BRCA2: variants seen among roughly 807,000 people sequenced by gnomAD.
BRCA2 encodes the protein BRCA2 DNA repair associated.
In BRCA2, 203 loss-of-function variants were observed where a neutral mutation model predicts 276.7. The observed-to-expected ratio is 0.73, with a 90% CI of 0.65 to 0.82. The LOEUF (loss-of-function observed/expected upper bound fraction) is 0.82. BRCA2 is among the 40% of genes least tolerant of loss of function. The probability of loss-of-function intolerance (pLI) is 0.00; values close to 1 mark genes in which losing one functional copy is unlikely to be tolerated. For synonymous variants in BRCA2, 1,289 were observed against 1,338.4 expected (o/e 0.96, Z 0.81); for missense variants, 3,920 against 3,915.0 (o/e 1.00, Z -0.03).
chr13:32,368,808 T>G lies in BRCA2; in HGVS notation c.8332-1594T>G, dbSNP rs811637. ...GTTTTTTGTTTTTTTGTTTTTTTTTTGGTTTTTTTTGTTTTTTTTTTAGAT... is the reference window on the plus strand; with the variant it reads ...GTTTTTTGTTTTTTTGTTTTTTTTTGGGTTTTTTTTGTTTTTTTTTTAGAT... On this transcript the variant is annotated intron_variant, in intron 18 of 26. Coordinates refer to ENST00000380152, the MANE Select transcript of BRCA2 (RefSeq NM_000059.4). Among the ~76,000 whole-genome samples, 36,248 of 116,514 alleles carry G rather than the reference T, an allele frequency of 0.31. 4,663 individuals are homozygous for G. The highest frequency in any genetic ancestry group is 0.33 in the Non-Finnish European group (18,012 of 54,298). The allele number at this position is 116,514 out of a possible 152,430, so 76.4% of individuals were successfully genotyped here.
rs1216879984 is a variant in BRCA2 at position 32,379,214 on chromosome 13, C to T, written c.8755-103C>T. ...ACATTAACCACACCCTTAAGATGAG[C>T]TCTAATTTTGTTGTATTTGTCCTGT... On this transcript the variant is annotated intron_variant, in intron 21 of 26. Transcript: ENST00000380152. The T allele has an allele frequency of 5.6e-6, 6 of 1,061,978 alleles. No homozygotes were observed. The Admixed American group carries it at 1.2e-4, about 22-fold the overall frequency. 65.8% of individuals were successfully genotyped at this position (1,061,978 alleles called of 1,614,324 possible). A position where few individuals can be genotyped will look rare whatever the true frequency, so the allele number is the denominator to read the frequency against.
intron 18 of BRCA2, among the ~76,000 whole-genome samples, chr13:32,364,001 C>G (rs2072764534): frequency 6.6e-6 from 1 of 152,166 alleles, no homozygotes; most frequent in South Asian, 2.1e-4. Context: ...ATTGTACATT[C>G]AGATTCACTT....
intron 22 of BRCA2, 93 bp downstream of exon 22, chr13:32,379,608 G>C: frequency 6.6e-7 from 1 of 1,526,520 alleles, no homozygotes; most frequent in South Asian, 1.2e-5. Flanking sequence ...AAAGTATAAA[G>C]TTAGTTTATA....
At chr13:32,318,792 G>A (rs1424098332) in intron 2 of BRCA2, among the ~76,000 whole-genome samples, 1 of 152,038 alleles carries the variant, frequency 6.6e-6, no homozygotes, top group Non-Finnish European at 1.5e-5. Flanking sequence ...TCCGAACCAT[G>A]AATAATAAGA....
In BRCA2 at chr13:32,357,871, G is replaced by A. The variant is rs1593920952; in HGVS notation, c.7747G>A (p.Asp2583Asn). ...LWTGKGIQLA[D>N]GGWLIPSNDG... ...GACTGGAAAAGGAATACAGTTGGCT[G>A]ATGGTGGATGGCTCATACCCTCCAA... Residue 2583 changes from aspartate (D) to asparagine (N), a missense_variant, in exon 16 of 27, where the codon GAT becomes AAT. Around this residue, in one of 2 missense-constraint regions of BRCA2, gnomAD observed 3,263 missense variants for 3,156.9 expected, o/e 1.03. Transcript: ENST00000380152. The A allele has an allele frequency of 6.2e-7, 1 of 1,614,132 alleles. No homozygotes were observed. Among genetic ancestry groups the A allele is most frequent in the African/African-American group, 1.3e-5 (1 of 75,052 alleles).
At chr13:32,323,719 C>T (rs986882826) in intron 3 of BRCA2, among the ~76,000 whole-genome samples, 1 of 151,956 alleles carries the variant, frequency 6.6e-6, no homozygotes, top group Non-Finnish European at 1.5e-5. Context: ...CTTATTTTTC[C>T]CAAAAGCTAA....
intron 16 of BRCA2, among the ~76,000 whole-genome samples, chr13:32,361,539 C>A (rs2072737362): frequency 1.3e-5 from 2 of 151,646 alleles, no homozygotes; most frequent in Non-Finnish European, 2.9e-5. Flanking sequence ...TAGAAAAAAA[C>A]CGTTTCTTAT....
chr13:32,371,022 G>C lies in BRCA2; in HGVS notation c.8554G>C (p.Ala2852Pro), dbSNP rs1555287769. 2 of 1,614,110 alleles carry C rather than the reference G, an allele frequency of 1.2e-6. No individual in the cohort carries two copies. Among genetic ancestry groups the C allele is most frequent in the Non-Finnish European group, 1.7e-6 (2 of 1,179,976 alleles). ...TGAAAGAGAGGAAGAAAAGGAAGCA[G>C]CAAAATATGTGGAGGCCCAACAAAA... ...RNEREEEKEA[A>P]KYVEAQQKRL... Residue 2852 changes from alanine (A) to proline (P), a missense_variant, in exon 20 of 27, where the codon GCA becomes CCA. Ala to Pro is a conservative substitution (Grantham distance 27, BLOSUM62 -1). This residue lies in a region of BRCA2 where 657 missense variants were observed against 758.2 expected (regional missense o/e 0.87). Transcript: ENST00000380152.
Position 32,330,944 on chromosome 13 carries a change from A to G in BRCA2, c.707A>G (p.His236Arg), listed in dbSNP as rs80358938. Reference sequence around the variant, plus strand: ...AATGTGAAAAGCTATTTTTCCAATCATGATGAAAGTCTGAAGAAAAATGAT... The same window carrying G: ...AATGTGAAAAGCTATTTTTCCAATCGTGATGAAAGTCTGAAGAAAAATGAT... ...TANVKSYFSN[H>R]DESLKKNDRF... The change falls in exon 9 of 27, where the codon CAT becomes CGT. Residue 236 changes from histidine to arginine, a missense_variant. This residue lies in a region of BRCA2 where 3,263 missense variants were observed against 3,156.9 expected (regional missense o/e 1.03). Transcript: ENST00000380152. 1.9e-6 allele frequency: 3 copies of G among 1,612,606 alleles called. No individual in the cohort carries two copies. Among genetic ancestry groups the G allele is most frequent in the Non-Finnish European group, 8.5e-7 (1 of 1,178,998 alleles).
chr13:32,333,045 C>T lies in BRCA2; in HGVS notation c.1567C>T (p.His523Tyr), dbSNP rs2072416501. The change falls in exon 10 of 27, where the codon CAT (histidine) becomes TAT (tyrosine). Residue 523 changes from histidine (H) to tyrosine (Y), a missense_variant. Transcript: ENST00000380152. Reference sequence around the variant, plus strand: ...GACTTTCAATGCAAGTTTTTCAGGTCATATGACTGATCCAAACTTTAAAAA... The same window carrying T: ...GACTTTCAATGCAAGTTTTTCAGGTTATATGACTGATCCAAACTTTAAAAA... ...KETFNASFSG[H>Y]MTDPNFKKET... is the part of the protein sequence containing the mutation. 1.2e-6 allele frequency: 2 copies of T among 1,607,954 alleles called. No individual in the cohort carries two copies. Among genetic ancestry groups the T allele is most frequent in the African/African-American group, 2.7e-5 (2 of 74,410 alleles).
At chr13:32,341,272 A>G (rs1425766336) in intron 11 of BRCA2, 76 bp downstream of exon 11, 2 of 1,583,676 alleles carry the variant, frequency 1.3e-6, no homozygotes, top group Non-Finnish European at 1.7e-6. Flanking sequence ...TGGTATGCTA[A>G]CAATTAAGAG....
Position 32,338,259 on chromosome 13 carries a change from A to T in BRCA2, c.3904A>T (p.Thr1302Ser), listed in dbSNP as rs543339423. Reference protein sequence around the residue: ...LILQNNIEMTTGTFVEEITEN... With the variant: ...LILQNNIEMTSGTFVEEITEN... ...ATTACAAAATAATATTGAAATGACT[A>T]CTGGCACTTTTGTTGAAGAAATTAC... Residue 1302 changes from threonine to serine, a missense_variant, in exon 11 of 27, where the codon ACT becomes TCT. Physicochemically the swap from Thr to Ser is moderately conservative, Grantham distance 58 (BLOSUM62 1). Coordinates refer to ENST00000380152, the MANE Select transcript of BRCA2 (RefSeq NM_000059.4). 14 of 1,561,060 alleles carry T rather than the reference A, an allele frequency of 9.0e-6. 1 individual carries two copies. The South Asian group carries it at 1.7e-4, about 19-fold the overall frequency.
intron 16 of BRCA2, among the ~76,000 whole-genome samples, chr13:32,360,929 A>C (rs1445414227): frequency 6.6e-6 from 1 of 152,258 alleles, no homozygotes; most frequent in East Asian, 1.9e-4. Flanking sequence ...AGCAGCTGGA[A>C]GGATAGAGTT....
intron 12 of BRCA2, 22 bp downstream of exon 12, chr13:32,344,675 T>C: frequency 6.8e-7 from 1 of 1,462,586 alleles, no homozygotes; most frequent in Non-Finnish European, 9.6e-7. Context: ...TTTTTATTTA[T>C]ATCTGTTCTC....
chr13:32,393,207 AG>A (rs1274081259), intron 24 of BRCA2, among the ~76,000 whole-genome samples: 4 of 151,650 alleles, frequency 2.6e-5, no homozygotes, highest in Non-Finnish European at 2.9e-5. Context: ...ATCTTGAGGG[AG>A]ATTCTTTGAG....
At chr13:32,375,175 C>T (rs1017706430) in intron 20 of BRCA2, among the ~76,000 whole-genome samples, 4 of 152,202 alleles carry the variant, frequency 2.6e-5, no homozygotes, top group Non-Finnish European at 5.9e-5. Flanking sequence ...GTCCGTCCCT[C>T]GACACGTGAG....
rs81002890 is a variant in BRCA2 at position 32,380,001 on chromosome 13, C to A, written c.9118-6C>A. The stretch of plus-strand genomic sequence containing the variant: ...ATATGTTGAATTTTTGTTTTGTTTT[C>A]TGTAGGTTTCAGATGAAATTTTATT... On this transcript the variant is annotated splice_polypyrimidine_tract_variant and splice_region_variant and intron_variant, in intron 23 of 26. Coordinates refer to ENST00000380152, the MANE Select transcript of BRCA2 (RefSeq NM_000059.4). 2 of 1,613,786 alleles carry A rather than the reference C, an allele frequency of 1.2e-6. No homozygotes were observed. The highest frequency in any genetic ancestry group is 2.7e-5 in the African/African-American group (2 of 74,974).
chr13:32,341,326 TG>T (rs2072568122), intron 11 of BRCA2, 130 bp downstream of exon 11: 9 of 1,299,510 alleles, frequency 6.9e-6, no homozygotes, highest in African/African-American at 2.9e-5. Context: ...GTAGTCAGTT[TG>T]GGGGAGTATG....
chr13:32,386,411 A>G (rs1438663399), intron 24 of BRCA2, among the ~76,000 whole-genome samples: 2 of 152,196 alleles, frequency 1.3e-5, no homozygotes, highest in Non-Finnish European at 2.9e-5. Context: ...GCATCTCAAA[A>G]TAAAGAAAAA....
Sources: allele counts gnomAD v4.1 joint callset (sites outside exome capture counted in the v4.1 genomes callset), GRCh38; gene constraint gnomAD v4.1.1; regional missense constraint gnomAD v4.1.1; transcripts MANE v1.5; gene names NCBI Gene and HGNC (gene_info 2026-07-23, HGNC 2026-07-21).